The following C6orf89 variants were observed in gnomAD, a reference collection of about 807,000 sequenced individuals.
C6orf89 encodes the protein chromosome 6 open reading frame 89.
In C6orf89, 29 loss-of-function variants were observed where a neutral mutation model predicts 40.7. The observed-to-expected ratio is 0.71, with a 90% CI of 0.53 to 0.97. C6orf89 has a LOEUF of 0.97. C6orf89 is among the 50% of genes least tolerant of loss of function. The pLI, the probability that C6orf89 is intolerant of heterozygous loss-of-function variation, is 0.00. For synonymous variants in C6orf89, 165 were observed against 152.2 expected (o/e 1.08, Z -0.62); for missense variants, 392 against 429.1 (o/e 0.91, Z 0.76).
At chr6:36,892,954 A>G (rs1761268147) in intron 1 of C6orf89, 1 of 148,084 alleles carries the variant, frequency 6.8e-6, no homozygotes, top group Non-Finnish European at 1.5e-5. Context: ...TTTTTTTTTG[A>G]GACGGAGTCT....
chr6:36,894,457 A>C, intron 1 of C6orf89, 47 bp from the exon 2 acceptor site: 1 of 883,422 alleles, frequency 1.1e-6, no homozygotes, highest in Non-Finnish European at 1.4e-6. Context: ...CACAAAACCA[A>C]GATGTGAAAA....
At chr6:36,872,023 C>T in intron 1 of C6orf89, 2 of 679,508 alleles carry the variant, frequency 2.9e-6, no homozygotes, top group Non-Finnish European at 4.5e-6. Flanking sequence ...AGGAAAACAC[C>T]ACAATGCAAG....
chr6:36,912,249 C>G (rs1407666312), intron 4 of C6orf89, among the ~76,000 whole-genome samples: 1 of 152,182 alleles, frequency 6.6e-6, no homozygotes, highest in East Asian at 1.9e-4. Flanking sequence ...CCTATCACCT[C>G]TAACTTTCAG....
At position 36,899,635 on chromosome 6, in the gene C6orf89, T is replaced by C; in HGVS notation, c.189+2T>C. ...CCTCTCCTTATAGTTGTGTATAAGG[T>C]AAAATGTTTCCTGAGTTGGTAATTG... is the stretch of plus-strand genomic sequence containing the variant. On this transcript the variant is annotated splice_donor_variant, in intron 3 of 8. Coordinates refer to ENST00000480824, the MANE Select transcript of C6orf89 (RefSeq NM_001286635.2). LOFTEE classifies it high-confidence loss of function. 1 of 1,613,192 alleles carries C rather than the reference T, an allele frequency of 6.2e-7. No homozygotes were observed. The highest frequency in any genetic ancestry group is 8.5e-7 in the Non-Finnish European group (1 of 1,179,164).
chr6:36,875,834 C>T (rs1484907277), intron 1 of C6orf89, among the ~76,000 whole-genome samples: 1 of 152,224 alleles, frequency 6.6e-6, no homozygotes, highest in Non-Finnish European at 1.5e-5. Context: ...AGCTGGTGCA[C>T]TTGTGCTCTT....
At position 36,886,036 on chromosome 6, in the gene C6orf89, A is replaced by G. The variant is rs1461645216; in HGVS notation, c.-120+8A>G. 55 of 1,252,642 alleles carry G rather than the reference A, an allele frequency of 4.4e-5. No homozygotes were observed. The highest frequency in any genetic ancestry group is 5.4e-5 in the Non-Finnish European group (54 of 995,770). 77.6% of individuals were successfully genotyped at this position (1,252,642 alleles called of 1,614,324 possible). ...GGGGCGCGAGCCCCGCATGTGAGTG[A>G]CTGGGGCCCGAGGCTGGGTGGGGGG... On this transcript the variant is annotated splice_region_variant and intron_variant, in intron 1 of 8. Transcript: ENST00000480824.
chr6:36,874,614 G>A (rs1464837881), intron 1 of C6orf89: 1 of 1,468,432 alleles, frequency 6.8e-7, no homozygotes, highest in African/African-American at 1.4e-5. Flanking sequence ...GCCCCTCCAC[G>A]TGGAGGCCGG....
intron 4 of C6orf89, among the ~76,000 whole-genome samples, chr6:36,904,021 C>T (rs967710219): frequency 5.3e-5 from 8 of 152,108 alleles, no homozygotes; most frequent in South Asian, 2.1e-4. Flanking sequence ...GAGGAAACAG[C>T]GAGAGAAACT....
upstream of C6orf89, among the ~76,000 whole-genome samples, chr6:36,881,763 GT>G (rs969551487): frequency 2.1e-4 from 31 of 151,162 alleles, no homozygotes; most frequent in East Asian, 4.8e-3. Flanking sequence ...GCATTATTCA[GT>G]TTTTTTTTCC....
At chr6:36,882,634 G>A (rs942302252), upstream of C6orf89, among the ~76,000 whole-genome samples, 1 of 151,656 alleles carries the variant, frequency 6.6e-6, no homozygotes, top group Non-Finnish European at 1.5e-5. Context: ...CTGGAAAGAC[G>A]ATCAAAGCTT....
intron 3 of C6orf89, among the ~76,000 whole-genome samples, chr6:36,901,318 ATTATTTT>A (rs1761686519): frequency 1.8e-4 from 12 of 65,092 alleles, no homozygotes; most frequent in African/African-American, 7.2e-4. Context: ...TATTATTATT[ATTATTTT>A]TTTTTTTTTT....
At chr6:36,903,496 G>A (rs1321163868) in intron 4 of C6orf89, among the ~76,000 whole-genome samples, 3 of 151,952 alleles carry the variant, frequency 2.0e-5, no homozygotes, top group Non-Finnish European at 2.9e-5. Flanking sequence ...GTCTCGCTCT[G>A]TCGCCCAGGC....
chr6:36,911,702 G>A (rs1273729914), intron 4 of C6orf89, among the ~76,000 whole-genome samples: 1 of 152,004 alleles, frequency 6.6e-6, no homozygotes, highest in Non-Finnish European at 1.5e-5. Flanking sequence ...CTACAGAAAA[G>A]TGTCATAATA....
At chr6:36,915,151 T>G (rs1762270175) in intron 6 of C6orf89, among the ~76,000 whole-genome samples, 1 of 151,846 alleles carries the variant, frequency 6.6e-6, no homozygotes, top group Admixed American at 6.6e-5. Flanking sequence ...TGATGAGAGA[T>G]AAAAGGGATG....
At chr6:36,874,911 GACGGTCCCTTCTTCC>G (rs1478912779) in intron 1 of C6orf89, 9 of 922,122 alleles carry the variant, frequency 9.8e-6, no homozygotes, top group Middle Eastern at 2.2e-4. Context: ...CAAGGAAGAG[GACGGTCCCTTCTTCC>G]AATGCCGGGA....
At chr6:36,920,474 G>A (rs1244206626) in intron 8 of C6orf89, among the ~76,000 whole-genome samples, 1 of 152,128 alleles carries the variant, frequency 6.6e-6, no homozygotes, top group African/African-American at 2.4e-5. Flanking sequence ...GGAGTCTCTG[G>A]CAGAGCCCAG....
chr6:36,886,366 G>C (rs769859052), intron 1 of C6orf89, among the ~76,000 whole-genome samples: 9 of 152,134 alleles, frequency 5.9e-5, no homozygotes, highest in Non-Finnish European at 1.2e-4. Flanking sequence ...CCTTTTGACG[G>C]AATTTTTAAG....
intron 8 of C6orf89, among the ~76,000 whole-genome samples, chr6:36,922,464 C>G (rs57680472): frequency 0.022 from 3,361 of 152,300 alleles, 100 homozygotes; most frequent in African/African-American, 0.075. Context: ...ATAGCCCACT[C>G]AAATGATAGG....
At position 36,925,072 on chromosome 6, in the gene C6orf89, TAATC is replaced by T. The variant is rs969425940; in HGVS notation, c.*1634_*1637del. ...AACTGTACCTGAGGGAATTTTTTCTTAATCAACCCCTTGTGTGGATGAATACAGG... is the reference window on the plus strand; with the variant it reads ...AACTGTACCTGAGGGAATTTTTTCTTAACCCCTTGTGTGGATGAATACAGG... On this transcript the variant is annotated 3_prime_UTR_variant, in exon 9 of 9. Coordinates refer to ENST00000480824, the MANE Select transcript of C6orf89 (RefSeq NM_001286635.2). 3.6e-4 allele frequency: 55 copies of T among 152,350 alleles called. No individual in the cohort carries two copies. The highest frequency in any genetic ancestry group is 1.9e-3 in the Admixed American group (29 of 15,302). 9.4% of individuals were successfully genotyped at this position (152,350 alleles called of 1,614,324 possible).
Sources: allele counts gnomAD v4.1 joint callset (sites outside exome capture counted in the v4.1 genomes callset), GRCh38; gene constraint gnomAD v4.1.1; transcripts MANE v1.5; gene names NCBI Gene and HGNC (gene_info 2026-07-23, HGNC 2026-07-21).